The following POR variants were observed in gnomAD, a reference collection of about 807,000 sequenced individuals.
The protein encoded by POR is cytochrome p450 oxidoreductase.
POR carries 56 observed loss-of-function variants against 84.0 expected under a neutral mutation model. The observed-to-expected ratio is 0.67, with a 90% CI of 0.54 to 0.83. The LOEUF (loss-of-function observed/expected upper bound fraction) is 0.83, where lower values mean the gene tolerates loss of function less well. POR is among the 40% of genes least tolerant of loss of function. The probability of loss-of-function intolerance (pLI) is 0.00; values close to 1 mark genes in which losing one functional copy is unlikely to be tolerated. For missense variants in POR, 938 were observed against 944.3 expected, an observed-to-expected ratio of 0.99 and a Z score of 0.09; for synonymous variants, 414 against 400.5, an observed-to-expected ratio of 1.03 and a Z score of -0.40.
At chr7:75,972,208 C>T (rs934418389) in intron 2 of POR, among the ~76,000 whole-genome samples, 14 of 151,932 alleles carry the variant, frequency 9.2e-5, no homozygotes, top group Non-Finnish European at 1.3e-4. Flanking sequence ...TGAGCTGGTG[C>T]GGGAGGCCTG....
intron 1 of POR, 49 bp from the exon 2 acceptor site, chr7:75,953,940 G>A: frequency 1.4e-6 from 2 of 1,455,348 alleles, no homozygotes; most frequent in South Asian, 2.6e-5. Context: ...CAGCCTCAGG[G>A]GCACCCTGCT....
rs560877245 is a variant in POR at position 75,981,770 on chromosome 7, G to A, written c.731+164G>A. 310 of 630,880 alleles carry A rather than the reference G, an allele frequency of 4.9e-4. 1 individual carries two copies. The highest frequency in any genetic ancestry group is 7.4e-4 in the Admixed American group (25 of 34,010). 39.1% of individuals were successfully genotyped at this position (630,880 alleles called of 1,614,324 possible). A position where few individuals can be genotyped will look rare whatever the true frequency, so the allele number is the denominator to read the frequency against. ...CCCAGCCAAGGACTCACTCTGCCAC[G>A]TTGCTCTGCACTGCCCTGGGGCAGC... On this transcript the variant is annotated intron_variant, in intron 7 of 15. Coordinates refer to ENST00000461988, the MANE Select transcript of POR (RefSeq NM_000941.3).
In POR at chr7:75,981,120, C is replaced by T; in HGVS notation, c.589C>T (p.Gln197Ter). 1 of 1,560,660 alleles carries T rather than the reference C, an allele frequency of 6.4e-7. No homozygotes were observed. The highest frequency in any genetic ancestry group is 1.2e-5 in the South Asian group (1 of 84,660). ...CAAGTACGTGGACAAGCGGCTGGAG[C>T]AGCTCGGCGCCCAGCGCATCTTTGA... Residue 197 changes from glutamine to a stop codon, truncating the protein, a stop_gained, in exon 6 of 16, where the codon CAG becomes TAG. Transcript: ENST00000461988. LOFTEE classifies it high-confidence loss of function.
intron 3 of POR, 77 bp from the exon 4 acceptor site, chr7:75,979,374 G>C: frequency 6.4e-7 from 1 of 1,558,706 alleles, no homozygotes; most frequent in Non-Finnish European, 8.7e-7. Context: ...CCGCCTGCCA[G>C]GCCTGCCCAG....
intron 6 of POR, 122 bp downstream of exon 6, chr7:75,981,294 G>A (rs536548165): frequency 3.4e-4 from 470 of 1,400,192 alleles, no homozygotes; most frequent in Non-Finnish European, 4.3e-4. Context: ...CAACACAGAG[G>A]GAAGGGGCTC....
chr7:75,958,529 T>G (rs1787786828), intron 2 of POR, among the ~76,000 whole-genome samples: 1 of 152,192 alleles, frequency 6.6e-6, no homozygotes, highest in Non-Finnish European at 1.5e-5. Flanking sequence ...GTGCCAGGGA[T>G]TGCAGAGTTT....
intron 2 of POR, among the ~76,000 whole-genome samples, chr7:75,956,097 G>A (rs1350669607): frequency 6.6e-6 from 1 of 152,084 alleles, no homozygotes; most frequent in Non-Finnish European, 1.5e-5. Context: ...TCAGGAGTTC[G>A]AGACCAGCCT....
intron 2 of POR, among the ~76,000 whole-genome samples, chr7:75,972,047 C>A (rs561684903): frequency 1.3e-5 from 2 of 152,070 alleles, no homozygotes; most frequent in Admixed American, 1.3e-4. Flanking sequence ...GCCGTGGGGA[C>A]CTGGGCTGTG....
chr7:75,957,852 C>T (rs782191200), intron 2 of POR, among the ~76,000 whole-genome samples: 23 of 152,264 alleles, frequency 1.5e-4, no homozygotes, highest in South Asian at 2.1e-4. Flanking sequence ...TTTACCTGTA[C>T]GCTGTACAAG....
rs1407538578 is a variant in POR, at chr7:75,982,472, C to T, written c.830+150C>T. 21 of 669,662 alleles carry T rather than the reference C, an allele frequency of 3.1e-5. No individual in the cohort carries two copies. The South Asian group carries it at 3.2e-4, about 10-fold the overall frequency. 41.5% of individuals were successfully genotyped at this position (669,662 alleles called of 1,614,324 possible). A position where few individuals can be genotyped will look rare whatever the true frequency, so the allele number is the denominator to read the frequency against. On this transcript the variant is annotated intron_variant, in intron 8 of 15. Transcript: ENST00000461988. The stretch of plus-strand genomic sequence containing the variant: ...GGTGTGAGTGTCCACGACCTGTCCA[C>T]GGCCCGGCCCCAGGAGACTGGCACT...
chr7:75,986,557 GGT>G lies in POR; in HGVS notation c.*81_*82del. 1.3e-6 allele frequency: 2 copies of G among 1,530,448 alleles called. No individual in the cohort carries two copies. Among genetic ancestry groups the G allele is most frequent in the South Asian group, 2.4e-5 (2 of 84,236 alleles). 94.8% of individuals were successfully genotyped at this position (1,530,448 alleles called of 1,614,324 possible). A position where few individuals can be genotyped will look rare whatever the true frequency, so the allele number is the denominator to read the frequency against. ...CCTGGCTCCCTCCCGTAGTCTCCTG[GGT>G]GTGTTTGGCTTGGCCTTGGCATGGG... On this transcript the variant is annotated 3_prime_UTR_variant, in exon 16 of 16. Coordinates refer to ENST00000461988, the MANE Select transcript of POR (RefSeq NM_000941.3).
At chr7:75,929,033 G>A (rs1336391438) in intron 1 of POR, among the ~76,000 whole-genome samples, 1 of 152,048 alleles carries the variant, frequency 6.6e-6, no homozygotes, top group African/African-American at 2.4e-5. Flanking sequence ...AGACAACATG[G>A]GGCAATAGAA....
intron 3 of POR, among the ~76,000 whole-genome samples, chr7:75,976,759 AAAC>A (rs1554556900): frequency 6.6e-6 from 1 of 152,052 alleles, no homozygotes; most frequent in East Asian, 1.9e-4. Context: ...AGAAAAAAAA[AAAC>A]AATTTTTAAT....
intron 1 of POR, among the ~76,000 whole-genome samples, chr7:75,921,998 T>G (rs1806894409): frequency 6.6e-6 from 1 of 152,204 alleles, no homozygotes; most frequent in Non-Finnish European, 1.5e-5. Context: ...GGAGCCACTG[T>G]GCCCGGTCAC....
chr7:75,951,643 C>T (rs1278990354), intron 1 of POR, among the ~76,000 whole-genome samples: 5 of 152,218 alleles, frequency 3.3e-5, no homozygotes, highest in African/African-American at 1.2e-4. Flanking sequence ...CATAGTCTCT[C>T]ATTGCCTAAT....
At chr7:75,939,535 G>GC (rs1322423374) in intron 1 of POR, among the ~76,000 whole-genome samples, 28 of 124,756 alleles carry the variant, frequency 2.2e-4, no homozygotes, top group Admixed American at 2.1e-3. Context: ...CTACTCAACA[G>GC]CTTTTTTTTT....
At chr7:75,926,030 CTTTT>C (rs869058308) in intron 1 of POR, among the ~76,000 whole-genome samples, 8 of 114,838 alleles carry the variant, frequency 7.0e-5, no homozygotes, top group Non-Finnish European at 1.2e-4. Flanking sequence ...TTTTCTCTCT[CTTTT>C]TTTTTTTTTT....
At chr7:75,947,178 C>T (rs1787209812) in intron 1 of POR, 1 of 152,074 alleles carries the variant, frequency 6.6e-6, no homozygotes, top group Non-Finnish European at 1.5e-5. Flanking sequence ...CCTACGGATA[C>T]CATTAAAAAT....
At chr7:75,982,145 C>T in intron 7 of POR, 79 bp from the exon 8 acceptor site, 1 of 1,073,526 alleles carries the variant, frequency 9.3e-7, no homozygotes, top group South Asian at 1.3e-5. Context: ...CATGCACGGT[C>T]TCCCCTGTAG....
Sources: allele counts gnomAD v4.1 joint callset (sites outside exome capture counted in the v4.1 genomes callset), GRCh38; gene constraint gnomAD v4.1.1; transcripts MANE v1.5; gene names NCBI Gene and HGNC (gene_info 2026-07-23, HGNC 2026-07-21).